RASAL1: variants seen among roughly 807,000 people sequenced by gnomAD.
RASAL1 encodes the protein rasGAP-activating-like protein 1.
Under a neutral mutation model 96.6 loss-of-function variants are expected in RASAL1, and 72 were observed. The observed-to-expected ratio is 0.75, with a 90% CI of 0.62 to 0.91. The LOEUF is 0.91. Among genes scored for constraint, RASAL1 ranks in the 40% least tolerant of loss-of-function variants. The pLI is 0.00. For synonymous variants in RASAL1, 405 were observed against 430.4 expected (o/e 0.94, Z 0.73); for missense variants, 1,016 against 1,072.5 (o/e 0.95, Z 0.74).
rs1254663805 is a variant in RASAL1 at position 113,128,072 on chromosome 12, T to C, written c.229A>G (p.Thr77Ala). Residue 77 changes from threonine to alanine, a missense_variant, in exon 3 of 21, where the codon ACT becomes GCT. Coordinates refer to ENST00000548055, the MANE Select transcript of RASAL1 (RefSeq NM_001301202.2). The stretch of plus-strand genomic sequence containing the variant: ...CTTTCCCCAACCACAAACCCGACAG[T>C]GTCCTCATCCAGCACGTAGAAGGCC... ...QLAFYVLDED[T>A]VGHDDIIGKI... is the part of the protein sequence containing the mutation. 1 of 1,613,700 alleles carries C rather than the reference T, an allele frequency of 6.2e-7. No individual in the cohort carries two copies. Among genetic ancestry groups the C allele is most frequent in the Non-Finnish European group, 8.5e-7 (1 of 1,179,874 alleles).
chr12:113,130,331 G>C lies in RASAL1; in HGVS notation c.122+554C>G, dbSNP rs751913219. 8.5e-5 allele frequency among the ~76,000 whole-genome samples: 13 copies of C among 152,222 alleles called. No homozygotes were observed. Among genetic ancestry groups the C allele is most frequent in the African/African-American group, 3.1e-4 (13 of 41,462 alleles). ...AATCAGCTGGCATTGGTGTTCACAT[G>C]CATGTGCAGGGCAGCCATGTGCACG... On this transcript the variant is annotated intron_variant, in intron 2 of 20. Coordinates refer to ENST00000548055, the MANE Select transcript of RASAL1 (RefSeq NM_001301202.2). This position sits in a 1 kb window ranked among gnomAD's most constrained non-coding sequence, Gnocchi z 5.1.
chr12:113,101,117 T>C (rs1950427933), intron 19 of RASAL1, among the ~76,000 whole-genome samples: 1 of 152,166 alleles, frequency 6.6e-6, no homozygotes, highest in African/African-American at 2.4e-5. Flanking sequence ...ATCCCCCTTT[T>C]CCAGATGCAC....
At position 113,126,142 on chromosome 12, in the gene RASAL1, G is replaced by A. The variant is rs553969566; in HGVS notation, c.298+1670C>T. ...TCTACTAAAAATACAAAACTTAGCC[G>A]GGTGTGGTGGCAGACCCCTGTAATC... On this transcript the variant is annotated intron_variant, in intron 4 of 20. Coordinates refer to ENST00000548055, the MANE Select transcript of RASAL1 (RefSeq NM_001301202.2). 6.1e-4 allele frequency among the ~76,000 whole-genome samples: 92 copies of A among 152,062 alleles called. 2 individuals are homozygous for A. In the South Asian group the frequency reaches 0.017, roughly 28 times the overall value.
At chr12:113,119,686 G>A (rs1951217729) in intron 5 of RASAL1, among the ~76,000 whole-genome samples, 1 of 152,106 alleles carries the variant, frequency 6.6e-6, no homozygotes, top group Admixed American at 6.5e-5. Context: ...GCACCAAAAG[G>A]TCATATCCTA....
chr12:113,101,846 G>A, intron 19 of RASAL1, 43 bp downstream of exon 19: 1 of 1,595,858 alleles, frequency 6.3e-7, no homozygotes, highest in Middle Eastern at 1.7e-4. Context: ...GGGCTGGCCT[G>A]GCTGGTCATA....
intron 12 of RASAL1, among the ~76,000 whole-genome samples, chr12:113,114,048 C>A (rs1592917452): frequency 6.6e-6 from 1 of 152,178 alleles, no homozygotes; most frequent in East Asian, 1.9e-4. Flanking sequence ...ACTCAGTTAA[C>A]GGAGCAGAGG....
chr12:113,128,139 C>T lies in RASAL1; in HGVS notation c.162G>A (p.Gly54=), dbSNP rs1208492831. ...TVWRSLGPFW[G]EEYTVHLPLD... The stretch of plus-strand genomic sequence containing the variant: ...GAGGCAGGTGCACCGTGTACTCCTC[C>T]CCCCAGAAGGGGCCCAGGCTCCTCC... Residue 54 remains glycine, a synonymous_variant, in exon 3 of 21, where the codon GGG becomes GGA. Transcript: ENST00000548055. 6 of 1,613,880 alleles carry T rather than the reference C, an allele frequency of 3.7e-6. No individual in the cohort carries two copies. The highest frequency in any genetic ancestry group is 4.2e-6 in the Non-Finnish European group (5 of 1,179,970).
chr12:113,122,706 A>T (rs12423351), intron 4 of RASAL1, among the ~76,000 whole-genome samples: 15,800 of 152,218 alleles, frequency 0.1, 1,084 homozygotes, highest in Middle Eastern at 0.19. Context: ...CAGATTTTTT[A>T]AAATCCTGCT....
Position 113,103,932 on chromosome 12 carries a change from C to G in RASAL1, c.2104+14G>C. 1 of 1,548,692 alleles carries G rather than the reference C, an allele frequency of 6.5e-7. No individual in the cohort carries two copies. Among genetic ancestry groups the G allele is most frequent in the South Asian group, 1.2e-5 (1 of 84,416 alleles). On this transcript the variant is annotated intron_variant, in intron 18 of 20. Transcript: ENST00000548055. Reference sequence around the variant, plus strand: ...TGGGGAGGGCGGAGCCTGCAGTCCGCCCTGCCCCCTCACCTGAGCGCTCAG... The same window carrying G: ...TGGGGAGGGCGGAGCCTGCAGTCCGGCCTGCCCCCTCACCTGAGCGCTCAG...
chr12:113,112,179 C>T lies in RASAL1; in HGVS notation c.1281G>A (p.Val427=). 7.9e-7 allele frequency: 1 copy of T among 1,258,474 alleles called. No individual in the cohort carries two copies. The highest frequency in any genetic ancestry group is 3.1e-5 in the East Asian group (1 of 31,866). The allele number at this position is 1,258,474 out of a possible 1,614,324, so 78.0% of individuals were successfully genotyped here. A position where few individuals can be genotyped will look rare whatever the true frequency, so the allele number is the denominator to read the frequency against. Residue 427 remains valine, a synonymous_variant, in exon 13 of 21, where the codon GTG becomes GTA. Coordinates refer to ENST00000548055, the MANE Select transcript of RASAL1 (RefSeq NM_001301202.2). ...GYLGPIVDAI[V]GSVGRCPPAM... ...CGGGCGGGCAGCGCCCCACGGAGCC[C>T]ACGATGGCGTCCACGATGGGCCCCA... is the stretch of plus-strand genomic sequence containing the variant.
intron 4 of RASAL1, among the ~76,000 whole-genome samples, chr12:113,123,204 G>A (rs145160110): frequency 7.7e-4 from 117 of 152,178 alleles, no homozygotes; most frequent in African/African-American, 2.6e-3. Flanking sequence ...TAAAAATCCC[G>A]TATATTATAA....
At position 113,122,080 on chromosome 12, in the gene RASAL1, T is replaced by C. The variant is rs1951314884; in HGVS notation, c.299-442A>G. Among the ~76,000 whole-genome samples, 8 of 152,246 alleles carry C rather than the reference T, an allele frequency of 5.3e-5. No homozygotes were observed. The South Asian group carries it at 1.7e-3, about 32-fold the overall frequency. On this transcript the variant is annotated intron_variant, in intron 4 of 20. Coordinates refer to ENST00000548055, the MANE Select transcript of RASAL1 (RefSeq NM_001301202.2). ...GCTTCTGATATAGGTGCTGTAATTA[T>C]CCCCATTTTCAGATGAGGAAAATGA... is the stretch of plus-strand genomic sequence containing the variant.
intron 19 of RASAL1, 76 bp from the exon 20 acceptor site, chr12:113,100,756 G>C: frequency 7.5e-7 from 1 of 1,335,858 alleles, no homozygotes; most frequent in Non-Finnish European, 1.1e-6. Context: ...AATTCTCTGA[G>C]AAATTAGTTT....
intron 16 of RASAL1, among the ~76,000 whole-genome samples, chr12:113,104,732 C>T (rs1410317884): frequency 6.6e-6 from 1 of 152,100 alleles, no homozygotes; most frequent in Admixed American, 6.6e-5. Context: ...GAACTCCTGG[C>T]CTCAAGTGAT....
At chr12:113,118,094 T>G (rs1334605382) in intron 7 of RASAL1, among the ~76,000 whole-genome samples, 1 of 152,090 alleles carries the variant, frequency 6.6e-6, no homozygotes, top group Non-Finnish European at 1.5e-5. Context: ...TGTAGTGGTG[T>G]TCACCTGTAA....
At chr12:113,126,681 C>G (rs1951492697) in intron 4 of RASAL1, among the ~76,000 whole-genome samples, 1 of 144,484 alleles carries the variant, frequency 6.9e-6, no homozygotes, top group African/African-American at 2.7e-5. Context: ...GACACTGTCT[C>G]TCTCTCTCAC....
chr12:113,103,026 CT>C (rs1038208402), intron 18 of RASAL1: 6 of 299,142 alleles, frequency 2.0e-5, no homozygotes, highest in Admixed American at 4.9e-5. Flanking sequence ...GGAAGCCCTC[CT>C]TGAGTCCCCA....
rs773415214 is a variant in RASAL1, at chr12:113,107,080, G to A, written c.1657+17C>T. On this transcript the variant is annotated intron_variant, in intron 15 of 20. Transcript: ENST00000548055. ...CTGGGCTGAGAAGCCAGATGTGGCC[G>A]GACCACAGGAACTCACCTTCATCCC... is the stretch of plus-strand genomic sequence containing the variant. 13 of 1,600,812 alleles carry A rather than the reference G, an allele frequency of 8.1e-6. No individual in the cohort carries two copies. Among genetic ancestry groups the A allele is most frequent in the East Asian group, 4.5e-5 (2 of 44,454 alleles).
chr12:113,114,879 TCAGGACCTCGTG>T lies in RASAL1; in HGVS notation c.1090_1101del (p.His364_Leu367del). The stretch of plus-strand genomic sequence containing the variant: ...TCAAAGACACGGCTAATCACAGGCT[TCAGGACCTCGTG>T]CAGGTAGGGCATGCCCACGAGCTGG... On this transcript the variant is annotated inframe_deletion, in exon 12 of 21. Coordinates refer to ENST00000548055, the MANE Select transcript of RASAL1 (RefSeq NM_001301202.2). 1 of 1,614,096 alleles carries T rather than the reference TCAGGACCTCGTG, an allele frequency of 6.2e-7. No individual in the cohort carries two copies. The highest frequency in any genetic ancestry group is 8.5e-7 in the Non-Finnish European group (1 of 1,179,994).
Sources: gnomAD v4.1 joint callset for allele counts (sites outside exome capture counted in the v4.1 genomes callset) on GRCh38, gnomAD v4.1.1 for gene constraint, Gnocchi (gnomAD v3.1) non-coding constraint, MANE v1.5 for transcripts, NCBI Gene and HGNC (gene_info 2026-07-23, HGNC 2026-07-21) for gene names.